The following PRKAA2 variants were observed in gnomAD, a reference collection of about 807,000 sequenced individuals.
PRKAA2 encodes protein kinase AMP-activated catalytic subunit alpha 2, also known as 5'-AMP-activated protein kinase catalytic subunit alpha-2.
A neutral mutation model predicts 56.3 loss-of-function variants in PRKAA2; 40 were observed. The observed-to-expected ratio is 0.71, with a 90% CI of 0.55 to 0.92. The LOEUF (loss-of-function observed/expected upper bound fraction) is 0.92, where lower values mean the gene tolerates loss of function less well. Ranked by LOEUF, PRKAA2 falls within the 40% of genes least tolerant of loss-of-function variation. The pLI, the probability that PRKAA2 is intolerant of heterozygous loss-of-function variation, is 0.00. For missense variants in PRKAA2, 542 were observed against 686.9 expected (o/e 0.79, Z 2.36); for synonymous variants, 214 against 234.2 (o/e 0.91, Z 0.79).
intron 1 of PRKAA2, among the ~76,000 whole-genome samples, chr1:56,667,706 G>A (rs1644046052): frequency 6.6e-6 from 1 of 152,034 alleles, no homozygotes; most frequent in South Asian, 2.1e-4. Flanking sequence ...TATATAAAAT[G>A]TTAAACATGT....
intron 6 of PRKAA2, 60 bp from the exon 7 acceptor site, chr1:56,703,910 CT>C: frequency 6.7e-7 from 1 of 1,485,646 alleles, no homozygotes; most frequent in East Asian, 2.3e-5. Context: ...TGCCCTATGT[CT>C]AAATTATTTG....
chr1:56,647,251 A>G (rs1646650623), intron 1 of PRKAA2, among the ~76,000 whole-genome samples: 1 of 152,236 alleles, frequency 6.6e-6, no homozygotes, highest in Non-Finnish European at 1.5e-5. Context: ...ATTTAGTATT[A>G]TTATTAAGGA....
chr1:56,705,596 C>T (rs927847068), intron 7 of PRKAA2, among the ~76,000 whole-genome samples: 2 of 152,070 alleles, frequency 1.3e-5, no homozygotes, highest in South Asian at 2.1e-4. Flanking sequence ...GATGGGGTTT[C>T]ACCATGTTGC....
chr1:56,701,616 G>A (rs752093073), intron 6 of PRKAA2, among the ~76,000 whole-genome samples: 21 of 152,120 alleles, frequency 1.4e-4, no homozygotes, highest in African/African-American at 3.9e-4. Flanking sequence ...AGAAGTTGTC[G>A]CCGGGCGCGG....
rs1178171220 is a variant in PRKAA2 at position 56,667,593 on chromosome 1, A to G, written c.95-6788A>G. Among the ~76,000 whole-genome samples the G allele has an allele frequency of 2.0e-5, 3 of 152,164 alleles. No individual in the cohort carries two copies. The East Asian group carries it at 5.8e-4, about 29-fold the overall frequency. On this transcript the variant is annotated intron_variant, in intron 1 of 8. Transcript: ENST00000371244. The stretch of plus-strand genomic sequence containing the variant: ...GAAAAGGATAGATCTGGATTTAAAT[A>G]CTGATTTTGTCCATTACTAGTCAGT...
At position 56,664,885 on chromosome 1, in the gene PRKAA2, CACACACAT is replaced by C. The variant is rs879691985; in HGVS notation, c.95-9494_95-9487del. On this transcript the variant is annotated intron_variant, in intron 1 of 8. Coordinates refer to ENST00000371244, the MANE Select transcript of PRKAA2 (RefSeq NM_006252.4). ...ACACACACACACACACACACACACA[CACACACAT>C]ATATACATACATACAAACAGCTTGC... is the stretch of plus-strand genomic sequence containing the variant. 2.9e-3 allele frequency among the ~76,000 whole-genome samples: 421 copies of C among 143,844 alleles called. 2 individuals are homozygous for C. Among genetic ancestry groups the C allele is most frequent in the South Asian group, 9.1e-3 (38 of 4,180 alleles). The allele number at this position is 143,844 out of a possible 152,430, so 94.4% of individuals were successfully genotyped here. A position where few individuals can be genotyped will look rare whatever the true frequency, so the allele number is the denominator to read the frequency against.
At chr1:56,677,483 C>T (rs1176022267) in intron 2 of PRKAA2, among the ~76,000 whole-genome samples, 1 of 152,124 alleles carries the variant, frequency 6.6e-6, no homozygotes, top group African/African-American at 2.4e-5. Context: ...TGCCTTATAC[C>T]TTGACCTCAT....
intron 1 of PRKAA2, among the ~76,000 whole-genome samples, chr1:56,659,440 T>C (rs1007892908): frequency 4.7e-5 from 7 of 147,616 alleles, no homozygotes; most frequent in African/African-American, 1.8e-4. Context: ...GAGGTTTCAG[T>C]GAGCTGAGAT....
chr1:56,690,710 T>A (rs1261140638), intron 2 of PRKAA2, among the ~76,000 whole-genome samples: 1 of 152,190 alleles, frequency 6.6e-6, no homozygotes, highest in Non-Finnish European at 1.5e-5. Flanking sequence ...TCCTGGATTT[T>A]GCTGAATGTA....
At chr1:56,689,423 A>C (rs555494813) in intron 2 of PRKAA2, among the ~76,000 whole-genome samples, 1 of 152,274 alleles carries the variant, frequency 6.6e-6, no homozygotes, top group Non-Finnish European at 1.5e-5. Flanking sequence ...TTGCCATTCA[A>C]AATATTTCTT....
At chr1:56,695,019 G>C (rs1644249514) in intron 5 of PRKAA2, among the ~76,000 whole-genome samples, 1 of 151,628 alleles carries the variant, frequency 6.6e-6, no homozygotes, top group Non-Finnish European at 1.5e-5. Flanking sequence ...TATAAGCATA[G>C]GTTATCTGGA....
chr1:56,699,191 A>G (rs140320471), intron 6 of PRKAA2, among the ~76,000 whole-genome samples: 153 of 152,298 alleles, frequency 1.0e-3, no homozygotes, highest in South Asian at 4.8e-3. Flanking sequence ...CTAGAACATA[A>G]TATTAGCTAT....
chr1:56,662,405 A>G (rs573982190), intron 1 of PRKAA2, among the ~76,000 whole-genome samples: 3 of 152,126 alleles, frequency 2.0e-5, no homozygotes, highest in Middle Eastern at 3.4e-3. Flanking sequence ...AACATTTTTA[A>G]TTTTTAATTT....
chr1:56,674,249 G>T, intron 1 of PRKAA2, 132 bp from the exon 2 acceptor site: 1 of 667,592 alleles, frequency 1.5e-6, no homozygotes, highest in Admixed American at 3.8e-5. Flanking sequence ...AAAAAGAACT[G>T]TAGTTTTGTA....
chr1:56,706,299 C>T (rs1644331610), intron 8 of PRKAA2, 81 bp downstream of exon 8: 1 of 1,516,446 alleles, frequency 6.6e-7, no homozygotes, highest in Non-Finnish European at 8.9e-7. Context: ...ATCTCGAAGA[C>T]ATCCGGTGGG....
At chr1:56,697,773 G>A (rs1353944057) in intron 6 of PRKAA2, among the ~76,000 whole-genome samples, 1 of 151,584 alleles carries the variant, frequency 6.6e-6, no homozygotes, top group East Asian at 1.9e-4. Context: ...GACTAGCCTG[G>A]TCAACATAGT....
chr1:56,686,416 G>C (rs1256579556), intron 2 of PRKAA2, among the ~76,000 whole-genome samples: 3 of 152,162 alleles, frequency 2.0e-5, no homozygotes, highest in Non-Finnish European at 4.4e-5. Flanking sequence ...AAGAATGTTC[G>C]TGTTAGTCCA....
intron 6 of PRKAA2, 106 bp from the exon 7 acceptor site, chr1:56,703,865 T>C (rs892711243): frequency 1.5e-6 from 2 of 1,306,736 alleles, no homozygotes; most frequent in African/African-American, 3.0e-5. Context: ...GAGCTAGGTC[T>C]AGAGACCAGA....
At chr1:56,674,620 G>A in intron 2 of PRKAA2, 98 bp downstream of exon 2, 1 of 1,115,844 alleles carries the variant, frequency 9.0e-7, no homozygotes, top group East Asian at 2.8e-5. Context: ...CTTTTACAAA[G>A]ATTTTTTTTC....
Sources: gnomAD v4.1 joint callset for allele counts (sites outside exome capture counted in the v4.1 genomes callset) on GRCh38, gnomAD v4.1.1 for gene constraint, MANE v1.5 for transcripts, NCBI Gene and HGNC (gene_info 2026-07-23, HGNC 2026-07-21) for gene names.